The following SFI1 variants were observed in gnomAD, a reference collection of about 807,000 sequenced individuals.
The protein encoded by SFI1 is SFI1 centrin binding protein.
SFI1 carries 195 observed loss-of-function variants against 207.5 expected under a neutral mutation model. The observed-to-expected ratio is 0.94, with a 90% CI of 0.84 to 1.06. The LOEUF is 1.06. Ranked by LOEUF, SFI1 falls within the 50% of genes least tolerant of loss-of-function variation. The pLI, the probability that SFI1 is intolerant of heterozygous loss-of-function variation, is 0.00. For missense variants in SFI1, 1,634 were observed against 1,588.0 expected, an observed-to-expected ratio of 1.03 and a Z score of -0.49; for synonymous variants, 630 against 598.9, an observed-to-expected ratio of 1.05 and a Z score of -0.76.
chr22:31,556,224 T>G (rs1186975121), intron 6 of SFI1, among the ~76,000 whole-genome samples: 1 of 151,164 alleles, frequency 6.6e-6, no homozygotes, highest in Non-Finnish European at 1.5e-5. Context: ...TTTTTTTCTT[T>G]TCTTTTTTTT....
chr22:31,594,236 A>G (rs1304019660), intron 15 of SFI1, among the ~76,000 whole-genome samples: 2 of 152,162 alleles, frequency 1.3e-5, no homozygotes, highest in Non-Finnish European at 2.9e-5. Flanking sequence ...GAAGTCTTGA[A>G]ATGATAGTCA....
chr22:31,617,223 C>G (rs1195088042), intron 31 of SFI1, 145 bp downstream of exon 31: 2 of 789,996 alleles, frequency 2.5e-6, no homozygotes. Context: ...GTGGGGAGCC[C>G]TCAGTGTGTG....
At chr22:31,513,130 G>C (rs978660390) in intron 2 of SFI1, among the ~76,000 whole-genome samples, 1 of 151,998 alleles carries the variant, frequency 6.6e-6, no homozygotes, top group Non-Finnish European at 1.5e-5. Flanking sequence ...AAATCAAGCT[G>C]TTTAACTTAT....
rs114449294 is a variant in SFI1 at position 31,618,259 on chromosome 22, G to A, written c.3624+33G>A. ...CCCAGGCCATCCCCAGGTGTCCCTG[G>A]GGACGCCCCGGGCTGTGCTCCCTCT... On this transcript the variant is annotated intron_variant, in intron 32 of 32. Transcript: ENST00000400288. The A allele has an allele frequency of 1.5e-4, 240 of 1,599,390 alleles. 1 individual carries two copies. The African/African-American group carries it at 2.8e-3, about 18-fold the overall frequency.
intron 2 of SFI1, among the ~76,000 whole-genome samples, chr22:31,510,394 T>G (rs1031590194): frequency 6.6e-6 from 1 of 151,842 alleles, no homozygotes; most frequent in African/African-American, 2.4e-5. Flanking sequence ...CTCATTTAAT[T>G]TTTTTTACTT....
chr22:31,556,073 T>C (rs995881488), intron 6 of SFI1, among the ~76,000 whole-genome samples: 9 of 152,158 alleles, frequency 5.9e-5, no homozygotes, highest in African/African-American at 1.9e-4. Flanking sequence ...CTGTGGGCCA[T>C]TGCATCTTCC....
At chr22:31,523,863 A>G (rs1022267586) in intron 2 of SFI1, among the ~76,000 whole-genome samples, 4 of 151,992 alleles carry the variant, frequency 2.6e-5, no homozygotes, top group African/African-American at 4.8e-5. Context: ...TTAATTGGCA[A>G]TTATAAGTGT....
At chr22:31,531,248 G>A in intron 4 of SFI1, 119 bp downstream of exon 4, 2 of 747,696 alleles carry the variant, frequency 2.7e-6, no homozygotes, top group South Asian at 3.5e-5. Context: ...CCAGCCTCCA[G>A]TAGGTAGAAG....
At position 31,583,626 on chromosome 22, in the gene SFI1, C is replaced by T. The variant is rs9917619; in HGVS notation, c.1249-249C>T. On this transcript the variant is annotated intron_variant, in intron 12 of 32. Coordinates refer to ENST00000400288, the MANE Select transcript of SFI1 (RefSeq NM_001007467.3). ...AAATGGCTTTCTAAAATGTCATTGT[C>T]TTCTGTGGGATTAGGAATAGCTTCT... Among the ~76,000 whole-genome samples the T allele has an allele frequency of 9.7e-3, 1,476 of 152,288 alleles. 21 individuals are homozygous for T. The highest frequency in any genetic ancestry group is 0.034 in the African/African-American group (1,413 of 41,550).
chr22:31,603,921 C>A, intron 18 of SFI1, 102 bp downstream of exon 18: 1 of 1,091,902 alleles, frequency 9.2e-7, no homozygotes. Context: ...CCACCTACCT[C>A]TGAGCTGAAG....
At chr22:31,549,380 C>T (rs550394754) in intron 5 of SFI1, among the ~76,000 whole-genome samples, 2 of 146,452 alleles carry the variant, frequency 1.4e-5, no homozygotes, top group East Asian at 2.0e-4. Context: ...GACAGAGTCT[C>T]GGTGTCACCC....
intron 14 of SFI1, among the ~76,000 whole-genome samples, chr22:31,585,541 G>T (rs537845475): frequency 6.6e-6 from 1 of 152,204 alleles, no homozygotes; most frequent in African/African-American, 2.4e-5. Context: ...AGGATGTGAG[G>T]TCAGGACCAC....
In SFI1 at chr22:31,560,996, C is replaced by G. The variant is rs1353393647; in HGVS notation, c.663-294C>G. The stretch of plus-strand genomic sequence containing the variant: ...GTGATTACAGGTGTAAGCCACCGTA[C>G]CAGGCCATAACATATCTTTTAACAA... On this transcript the variant is annotated intron_variant, in intron 7 of 32. Transcript: ENST00000400288. Among the ~76,000 whole-genome samples the G allele has an allele frequency of 3.3e-5, 5 of 152,158 alleles. No individual in the cohort carries two copies. The South Asian group carries it at 1.0e-3, about 32-fold the overall frequency.
chr22:31,548,340 C>T (rs1435271814), intron 5 of SFI1, among the ~76,000 whole-genome samples: 1 of 151,940 alleles, frequency 6.6e-6, no homozygotes, highest in African/African-American at 2.4e-5. Flanking sequence ...GAGGCTGAGG[C>T]GGGTGGATCA....
chr22:31,606,625 G>T, intron 21 of SFI1, 195 bp downstream of exon 21: 1 of 500,330 alleles, frequency 2.0e-6, no homozygotes, highest in Non-Finnish European at 3.6e-6. Flanking sequence ...AAACCAATAT[G>T]CATTAAATAG....
intron 22 of SFI1, 25 bp from the exon 23 acceptor site, chr22:31,611,118 A>G (rs753033477): frequency 6.2e-7 from 1 of 1,614,160 alleles, no homozygotes. Context: ...ACAAAACAGC[A>G]AACTCTGACT....
intron 1 of SFI1, among the ~76,000 whole-genome samples, chr22:31,505,450 AAGAAAAAG>A (rs2054481691): frequency 7.1e-6 from 1 of 141,360 alleles, no homozygotes; most frequent in Admixed American, 7.2e-5. Context: ...AAAAAAGAAA[AAGAAAAAG>A]AAAAAATGAA....
intron 10 of SFI1, 104 bp from the exon 11 acceptor site, chr22:31,578,278 G>T: frequency 9.1e-7 from 1 of 1,097,762 alleles, no homozygotes; most frequent in Non-Finnish European, 1.3e-6. Context: ...CACCTGGCAC[G>T]TGTGTTATCC....
intron 15 of SFI1, among the ~76,000 whole-genome samples, chr22:31,594,013 AG>A (rs1408738759): frequency 7.4e-6 from 1 of 134,900 alleles, no homozygotes; most frequent in East Asian, 2.0e-4. Flanking sequence ...GGACAGGGAG[AG>A]GGAGAGGGAG....
Sources: allele counts gnomAD v4.1 joint callset (sites outside exome capture counted in the v4.1 genomes callset), GRCh38; gene constraint gnomAD v4.1.1; transcripts MANE v1.5; gene names NCBI Gene and HGNC (gene_info 2026-07-23, HGNC 2026-07-21).